Variants in FSCN2 observed in about 807,000 individuals in gnomAD.
FSCN2 encodes fascin actin-bundling protein 2, retinal.
In FSCN2, 46 loss-of-function variants were observed where a neutral mutation model predicts 37.8. The observed-to-expected ratio is 1.22, with a 90% CI of 0.96 to 1.56. The LOEUF (loss-of-function observed/expected upper bound fraction) is 1.56. Among genes scored for constraint, FSCN2 ranks in the 40% most tolerant of loss-of-function variants. FSCN2 has a pLI of 0.00. For missense variants in FSCN2, 844 were observed against 730.4 expected, an observed-to-expected ratio of 1.16 and a Z score of -1.79; for synonymous variants, 351 against 309.4, an observed-to-expected ratio of 1.13 and a Z score of -1.41.
the FSCN2 span, among the ~76,000 whole-genome samples, chr17:81,518,802 C>T: frequency 2.6e-5 from 4 of 152,206 alleles, no homozygotes; most frequent in African/African-American, 9.6e-5. Context: ...TGTCTCCACT[C>T]GAGGGACGGC....
chr17:81,518,989 G>C, the FSCN2 span: 4 of 152,204 alleles, frequency 2.6e-5, no homozygotes, highest in African/African-American at 9.6e-5. Flanking sequence ...TCCCCAGCGC[G>C]CCGCGGGGGC....
intron 1 of FSCN2, 77 bp downstream of exon 1, chr17:81,529,434 C>T (rs1041470666): frequency 1.1e-5 from 12 of 1,118,440 alleles, no homozygotes; most frequent in Non-Finnish European, 1.3e-5. Flanking sequence ...GTGGGGGTCT[C>T]ACGGGGAGTG....
the FSCN2 span, among the ~76,000 whole-genome samples, chr17:81,520,666 T>G: frequency 5.3e-5 from 8 of 152,236 alleles, no homozygotes; most frequent in Non-Finnish European, 7.3e-5. Flanking sequence ...CCCTGTCTCT[T>G]GCTGGCACTG....
intron 1 of FSCN2, among the ~76,000 whole-genome samples, chr17:81,532,366 T>C (rs1013276945): frequency 3.4e-5 from 5 of 145,564 alleles, no homozygotes; most frequent in African/African-American, 1.4e-4. Flanking sequence ...GTGGTGATGG[T>C]GATGGTGATG....
At chr17:81,531,497 G>GATGATGATA (rs1568077528) in intron 1 of FSCN2, among the ~76,000 whole-genome samples, 1 of 140,556 alleles carries the variant, frequency 7.1e-6, no homozygotes, top group African/African-American at 2.9e-5. Flanking sequence ...TGATGGTGAT[G>GATGATGATA]GTGATGGTGG....
chr17:81,530,154 G>C (rs1168119448), intron 1 of FSCN2: 2 of 290,546 alleles, frequency 6.9e-6, no homozygotes, highest in Non-Finnish European at 1.4e-5. Flanking sequence ...GCCCAGGGTA[G>C]GGCAGGGAGC....
In FSCN2 at chr17:81,528,636, C is replaced by T; in HGVS notation, c.105C>T (p.Ala35=). 3 of 1,604,860 alleles carry T rather than the reference C, an allele frequency of 1.9e-6. No individual in the cohort carries two copies. The highest frequency in any genetic ancestry group is 1.3e-5 in the African/African-American group (1 of 74,878). The change falls in exon 1 of 5, where the codon GCC becomes GCT. Residue 35 remains alanine (A), a synonymous_variant. Coordinates refer to ENST00000417245, the MANE Select transcript of FSCN2 (RefSeq NM_012418.4). ...AGAGCTTCGGCTTCAAGGTCAATGC[C>T]TCGGCACCCAGCCTCAAGAGGAAGC... is the stretch of plus-strand genomic sequence containing the variant. ...TAESFGFKVN[A]SAPSLKRKQT...
chr17:81,528,319 G>C (rs782567728), upstream of FSCN2: 8 of 577,690 alleles, frequency 1.4e-5, no homozygotes, highest in African/African-American at 5.7e-5. Flanking sequence ...CGCCCTCCCC[G>C]CCCGCCCTCT....
At chr17:81,533,383 C>T (rs564848411) in intron 1 of FSCN2, among the ~76,000 whole-genome samples, 41 of 152,338 alleles carry the variant, frequency 2.7e-4, no homozygotes, top group Non-Finnish European at 4.6e-4. Flanking sequence ...GAGCCCTGGG[C>T]ATGGTGGGTT....
chr17:81,529,165 C>T lies in FSCN2; in HGVS notation c.634C>T (p.Leu212=), dbSNP rs553581270. 3.8e-6 allele frequency: 6 copies of T among 1,590,076 alleles called. No individual in the cohort carries two copies. The highest frequency in any genetic ancestry group is 3.5e-5 in the Admixed American group (2 of 56,392). ...GCCTGAGCCCCGTGCCTGCTACACGCTGGAGTTCAAGGCGGGCAAGCTGGC... is the reference window on the plus strand; with the variant it reads ...GCCTGAGCCCCGTGCCTGCTACACGTTGGAGTTCAAGGCGGGCAAGCTGGC... ...WEPEPRACYT[L]EFKAGKLAFK... Residue 212 remains leucine (L), a synonymous_variant, in exon 1 of 5, where the codon CTG becomes TTG. Coordinates refer to ENST00000417245, the MANE Select transcript of FSCN2 (RefSeq NM_012418.4).
At chr17:81,532,632 GTGA>G (rs1568079791) in intron 1 of FSCN2, among the ~76,000 whole-genome samples, 8 of 146,084 alleles carry the variant, frequency 5.5e-5, no homozygotes, top group African/African-American at 2.1e-4. Flanking sequence ...GGTGATGATG[GTGA>G]TGGTGATGAT....
chr17:81,531,327 G>GA lies in FSCN2; in HGVS notation c.826+1970_826+1971insA, dbSNP rs2032565075. 2.5e-4 allele frequency among the ~76,000 whole-genome samples: 26 copies of GA among 103,864 alleles called. 1 individual carries two copies. Among genetic ancestry groups the GA allele is most frequent in the African/African-American group, 6.3e-4 (13 of 20,732 alleles). 68.1% of individuals were successfully genotyped at this position (103,864 alleles called of 152,430 possible). On this transcript the variant is annotated intron_variant, in intron 1 of 4. Transcript: ENST00000417245. ...GATGGTGGTGGTGGTGATGATGGTG[G>GA]TGGTGGTGATGGTGGTGGTGATGAT...
At chr17:81,528,295 G>T (rs576923485), upstream of FSCN2, 2 of 556,050 alleles carry the variant, frequency 3.6e-6, no homozygotes, top group African/African-American at 1.9e-5. Context: ...CTCCTAAGCC[G>T]CACGTCTCTG....
rs566040226 is a variant in FSCN2, at chr17:81,528,468, G to A, written c.-64G>A. 24 of 1,272,876 alleles carry A rather than the reference G, an allele frequency of 1.9e-5. No homozygotes were observed. The East Asian group carries it at 2.3e-4, about 12-fold the overall frequency. 78.8% of individuals were successfully genotyped at this position (1,272,876 alleles called of 1,614,324 possible). On this transcript the variant is annotated 5_prime_UTR_variant, in exon 1 of 5. Coordinates refer to ENST00000417245, the MANE Select transcript of FSCN2 (RefSeq NM_012418.4). ...AGCCGACCCGGGCTTCTGGGGGACC[G>A]CGGGGGCCGTGAGCACTCAGAGGGC...
intron 1 of FSCN2, among the ~76,000 whole-genome samples, chr17:81,531,606 ATGG>A (rs1276091389): frequency 3.9e-5 from 3 of 77,456 alleles, no homozygotes; most frequent in Non-Finnish European, 7.6e-5. Context: ...AGTGATGATA[ATGG>A]TGATGATGGT....
chr17:81,529,307 C>T lies in FSCN2; in HGVS notation c.776C>T (p.Pro259Leu), dbSNP rs782021023. The T allele has an allele frequency of 6.4e-7, 1 of 1,567,810 alleles. No individual in the cohort carries two copies. Among genetic ancestry groups the T allele is most frequent in the Admixed American group, 1.8e-5 (1 of 56,966 alleles). ...DELFDLEESH[P>L]QVVLVAANHR... ...CTCTTTGATCTGGAGGAGAGTCACC[C>T]ACAGGTGGTGCTGGTGGCTGCCAAC... The change falls in exon 1 of 5, where the codon CCA becomes CTA. Residue 259 changes from proline (P) to leucine (L), a missense_variant. Coordinates refer to ENST00000417245, the MANE Select transcript of FSCN2 (RefSeq NM_012418.4).
chr17:81,532,479 ATGATAG>A lies in FSCN2; in HGVS notation c.827-2568_827-2563del, dbSNP rs1568079447. Among the ~76,000 whole-genome samples the A allele has an allele frequency of 8.5e-5, 10 of 117,488 alleles. 2 individuals carry two copies. The highest frequency in any genetic ancestry group is 6.9e-5 in the Non-Finnish European group (4 of 57,912). The allele number at this position is 117,488 out of a possible 152,430, so 77.1% of individuals were successfully genotyped here. A position where few individuals can be genotyped will look rare whatever the true frequency, so the allele number is the denominator to read the frequency against. On this transcript the variant is annotated intron_variant, in intron 1 of 4. Coordinates refer to ENST00000417245, the MANE Select transcript of FSCN2 (RefSeq NM_012418.4). Reference sequence around the variant, plus strand: ...GGTGGTGGTGATGGTGGTGGTGGTGATGATAGTGATGGTGATGATGGTGATGATAAT... The same window carrying A: ...GGTGGTGGTGATGGTGGTGGTGGTGATGATGGTGATGATGGTGATGATAAT...
the FSCN2 span, among the ~76,000 whole-genome samples, chr17:81,523,188 A>G: frequency 1.3e-5 from 2 of 152,072 alleles, no homozygotes; most frequent in South Asian, 2.1e-4. Context: ...GTGAACCCCA[A>G]CTGCAGTTCG....
chr17:81,532,182 G>GTGA, intron 1 of FSCN2, among the ~76,000 whole-genome samples: 1 of 101,508 alleles, frequency 9.9e-6, no homozygotes, highest in South Asian at 3.5e-4. Context: ...GGTGGTGATG[G>GTGA]TGGTGGTGAT....
Sources: allele counts gnomAD v4.1 joint callset (sites outside exome capture counted in the v4.1 genomes callset), GRCh38; gene constraint gnomAD v4.1.1; transcripts MANE v1.5; gene names NCBI Gene and HGNC (gene_info 2026-07-23, HGNC 2026-07-21).